The following ADAMTS17 variants were observed in gnomAD, a reference collection of about 807,000 sequenced individuals.
ADAMTS17 encodes the protein A disintegrin and metalloproteinase with thrombospondin motifs 17.
A neutral mutation model predicts 141.5 loss-of-function variants in ADAMTS17; 113 were observed. The ratio of observed to expected loss-of-function variants is 0.80; its 90% CI spans 0.69 to 0.93. ADAMTS17 has a LOEUF of 0.93. Ranked by LOEUF, ADAMTS17 falls within the 40% of genes least tolerant of loss-of-function variation. The pLI is 0.00. For missense variants in ADAMTS17, 1,659 were observed against 1,517.9 expected (o/e 1.09, Z -1.54); for synonymous variants, 768 against 630.6 (o/e 1.22, Z -3.27).
At chr15:100,049,250 G>A (rs139537571) in intron 17 of ADAMTS17, among the ~76,000 whole-genome samples, 271 of 152,326 alleles carry the variant, frequency 1.8e-3, no homozygotes, top group East Asian at 5.8e-3. Flanking sequence ...TCAGATCAGC[G>A]GTGTCCTTGG....
At chr15:100,314,249 G>A (rs114234618) in intron 3 of ADAMTS17, among the ~76,000 whole-genome samples, 274 of 152,350 alleles carry the variant, frequency 1.8e-3, no homozygotes, top group African/African-American at 6.3e-3. Flanking sequence ...AGTCTAGACT[G>A]GATTCTGTAC....
intron 7 of ADAMTS17, among the ~76,000 whole-genome samples, chr15:100,251,306 C>G (rs139672685): frequency 0.015 from 2,265 of 152,276 alleles, 23 homozygotes; most frequent in Middle Eastern, 0.051. Flanking sequence ...ATAAGATGCT[C>G]CCTAGTAACA....
intron 3 of ADAMTS17, among the ~76,000 whole-genome samples, chr15:100,325,225 C>T (rs1304379225): frequency 1.3e-5 from 2 of 152,146 alleles, no homozygotes; most frequent in East Asian, 3.9e-4. Flanking sequence ...GGCTGTGTGG[C>T]TTGAACTATG....
chr15:100,331,312 C>T (rs2046047509), intron 2 of ADAMTS17, among the ~76,000 whole-genome samples: 1 of 152,096 alleles, frequency 6.6e-6, no homozygotes, highest in Admixed American at 6.6e-5. Context: ...TGTTGGCTTT[C>T]AGAGAAGATG....
intron 8 of ADAMTS17, among the ~76,000 whole-genome samples, chr15:100,158,497 A>C (rs1332177514): frequency 6.6e-6 from 1 of 152,180 alleles, no homozygotes; most frequent in Non-Finnish European, 1.5e-5. Context: ...TTTTAAGCTT[A>C]CAATACAGTA....
chr15:100,275,644 G>A (rs773131664), intron 4 of ADAMTS17, among the ~76,000 whole-genome samples: 2 of 152,058 alleles, frequency 1.3e-5, no homozygotes, highest in East Asian at 1.9e-4. Flanking sequence ...GCTGTGTCAC[G>A]TCCCCAAGCC....
intron 15 of ADAMTS17, among the ~76,000 whole-genome samples, chr15:100,088,889 G>C (rs1257173487): frequency 1.1e-4 from 16 of 152,088 alleles, no homozygotes; most frequent in Admixed American, 9.2e-4. Context: ...AAAAACCCTA[G>C]AAGAAAACCT....
intron 10 of ADAMTS17, among the ~76,000 whole-genome samples, chr15:100,135,227 A>C (rs1002710215): frequency 6.6e-6 from 1 of 152,238 alleles, no homozygotes; most frequent in Non-Finnish European, 1.5e-5. Context: ...AACAGAACAC[A>C]AAAAGGACTA....
At chr15:100,112,817 G>A (rs1207177917) in intron 13 of ADAMTS17, among the ~76,000 whole-genome samples, 1 of 152,094 alleles carries the variant, frequency 6.6e-6, no homozygotes, top group African/African-American at 2.4e-5. Context: ...GCTGGAGGTG[G>A]TCACAGGCAG....
intron 6 of ADAMTS17, among the ~76,000 whole-genome samples, chr15:100,258,098 A>T (rs1012436833): frequency 1.3e-5 from 2 of 152,226 alleles, no homozygotes; most frequent in African/African-American, 4.8e-5. Context: ...TATACAGCAT[A>T]TCTGTTTACC....
chr15:100,148,956 G>C (rs185448524), intron 10 of ADAMTS17, among the ~76,000 whole-genome samples: 56 of 152,296 alleles, frequency 3.7e-4, no homozygotes, highest in African/African-American at 1.3e-3. Flanking sequence ...GAGAAGAAAA[G>C]GAAAACCAGT....
At chr15:100,192,378 G>T (rs960309458) in intron 8 of ADAMTS17, among the ~76,000 whole-genome samples, 1 of 152,208 alleles carries the variant, frequency 6.6e-6, no homozygotes, top group Non-Finnish European at 1.5e-5. Context: ...ATCCCTTCCT[G>T]GGGGGAGGCA....
intron 12 of ADAMTS17, among the ~76,000 whole-genome samples, chr15:100,128,036 T>C (rs143073579): frequency 6.6e-6 from 1 of 151,862 alleles, no homozygotes; most frequent in Non-Finnish European, 1.5e-5. Flanking sequence ...TGACCAGACA[T>C]GGAGGAGGCA....
intron 15 of ADAMTS17, among the ~76,000 whole-genome samples, chr15:100,079,283 A>T (rs188022150): frequency 1.3e-5 from 2 of 152,260 alleles, no homozygotes; most frequent in African/African-American, 4.8e-5. Flanking sequence ...AACAGCCAAA[A>T]AAGTGGAAAC....
In ADAMTS17 at chr15:100,341,418, A is replaced by G; in HGVS notation, c.80-9T>C. 2.0e-6 allele frequency: 2 copies of G among 1,014,132 alleles called. No individual in the cohort carries two copies. The highest frequency in any genetic ancestry group is 9.6e-5 in the East Asian group (1 of 10,424). 62.8% of individuals were successfully genotyped at this position (1,014,132 alleles called of 1,614,324 possible). On this transcript the variant is annotated splice_polypyrimidine_tract_variant and intron_variant, in intron 1 of 21. Coordinates refer to ENST00000268070, the MANE Select transcript of ADAMTS17 (RefSeq NM_139057.4). ...CGCCGCGTCGCCGACAGCTGCGGGG[A>G]GAGAGGAGACGCGTCAGCGCGGCGG... is the stretch of plus-strand genomic sequence containing the variant.
intron 14 of ADAMTS17, among the ~76,000 whole-genome samples, chr15:100,102,310 G>C (rs964100950): frequency 6.7e-6 from 1 of 150,152 alleles, no homozygotes; most frequent in African/African-American, 2.4e-5. Flanking sequence ...AGGGCCGACC[G>C]AAGGGGATCT....
rs2037551503 is a variant in ADAMTS17 at position 100,123,368 on chromosome 15, G to GTT, written c.1722-6356_1722-6355insAA. Among the ~76,000 whole-genome samples, 18 of 152,326 alleles carry GTT rather than the reference G, an allele frequency of 1.2e-4. No homozygotes were observed. The South Asian group carries it at 3.7e-3, about 32-fold the overall frequency. On this transcript the variant is annotated intron_variant, in intron 12 of 21. Transcript: ENST00000268070. Reference sequence around the variant, plus strand: ...AAAATAAAGAACAGTTAATATAAGAGATTCGTGATAGAGTTATCCCTTCCC... The same window carrying GTT: ...AAAATAAAGAACAGTTAATATAAGAGTTATTCGTGATAGAGTTATCCCTTCCC...
chr15:100,258,771 AAAG>A (rs1185590677), intron 6 of ADAMTS17, among the ~76,000 whole-genome samples: 1 of 152,216 alleles, frequency 6.6e-6, no homozygotes, highest in African/African-American at 2.4e-5. Flanking sequence ...GAGGTATAGA[AAAG>A]AAGATTTTTA....
chr15:99,993,051 A>G lies in ADAMTS17; in HGVS notation c.2946T>C (p.Ser982=), dbSNP rs747524720. 1 of 1,614,002 alleles carries G rather than the reference A, an allele frequency of 6.2e-7. No individual in the cohort carries two copies. The highest frequency in any genetic ancestry group is 8.5e-7 in the Non-Finnish European group (1 of 1,180,042). ...GCYEWKTGDW[S]TCSSTCGKGL... ...AATGCCAGCAGGCTGCTCTCACCGT[A>G]GACCAGTCCCCAGTTTTCCACTCGT... Residue 982 remains serine (S), a synonymous_variant, in exon 20 of 22, where the codon TCT becomes TCC. Transcript: ENST00000268070. This position sits in a 1 kb window ranked among gnomAD's most constrained non-coding sequence, Gnocchi z 4.3.
Sources: gnomAD v4.1 joint callset for allele counts (sites outside exome capture counted in the v4.1 genomes callset) on GRCh38, gnomAD v4.1.1 for gene constraint, Gnocchi (gnomAD v3.1) non-coding constraint, MANE v1.5 for transcripts, NCBI Gene and HGNC (gene_info 2026-07-23, HGNC 2026-07-21) for gene names.